Variants in FRMPD4 observed in about 807,000 individuals in gnomAD.
The protein encoded by FRMPD4 is FERM and PDZ domain-containing protein 4.
In FRMPD4, 22 loss-of-function variants were observed where a neutral mutation model predicts 94.1. That is an observed-to-expected ratio of 0.23 (90% CI 0.17 to 0.33). FRMPD4 has a LOEUF of 0.33. Ranked by LOEUF, FRMPD4 falls within the 10% of genes least tolerant of loss-of-function variation. FRMPD4 has a pLI of 1.00. For missense variants in FRMPD4, 1,111 were observed against 1,339.9 expected (o/e 0.83, Z 2.67); for synonymous variants, 631 against 548.6 (o/e 1.15, Z -2.10).
chrX:12,640,999 A>T (rs1011087585), intron 4 of FRMPD4, among the ~76,000 whole-genome samples: 2 of 111,504 alleles, frequency 1.8e-5, no homozygotes, highest in African/African-American at 6.5e-5. Context: ...ATTGGGCAAC[A>T]TAGTGAGACC....
chrX:12,486,019 ACT>A (rs1486260014), intron 1 of FRMPD4, among the ~76,000 whole-genome samples: 1 of 110,957 alleles, frequency 9.0e-6, no homozygotes, highest in African/African-American at 3.3e-5. Context: ...GTGCTCATTA[ACT>A]CTCTTGCCTT....
intron 2 of FRMPD4, among the ~76,000 whole-genome samples, chrX:12,569,952 A>G (rs1344275709): frequency 8.9e-6 from 1 of 112,135 alleles, no homozygotes; most frequent in Admixed American, 9.4e-5. Context: ...TTCAAATCAG[A>G]AGGTGTCTTA....
chrX:12,031,264 G>T (rs934717823), intron 3 of FRMPD4, among the ~76,000 whole-genome samples: 2 of 112,212 alleles, frequency 1.8e-5, no homozygotes, highest in African/African-American at 6.5e-5. Context: ...CTTTGTCAAT[G>T]TGATGAATGC....
chrX:12,581,652 G>A (rs775122661), intron 2 of FRMPD4, among the ~76,000 whole-genome samples: 13 of 111,602 alleles, frequency 1.2e-4, no homozygotes, highest in Non-Finnish European at 1.9e-4. Context: ...ACCAGGCCTC[G>A]TGTAGCCTGT....
intron 2 of FRMPD4, among the ~76,000 whole-genome samples, chrX:12,511,479 T>A: frequency 1.9e-5 from 2 of 107,046 alleles, no homozygotes; most frequent in African/African-American, 6.8e-5. Context: ...ATTCTGGAAG[T>A]GAAAAATATA....
intron 3 of FRMPD4, among the ~76,000 whole-genome samples, chrX:12,001,695 C>A (rs1439663625): frequency 8.9e-6 from 1 of 111,837 alleles, no homozygotes. Context: ...TTGAATTTTT[C>A]TTCCCAACTA....
rs191644972 is a variant in FRMPD4 at position 12,236,388 on chromosome X, G to A, written c.41+97376G>A. On this transcript the variant is annotated intron_variant, in intron 1 of 16. Coordinates refer to ENST00000675598, the MANE Select transcript of FRMPD4 (RefSeq NM_001368397.1). ...TATATGTCAGTTACTGTTCTCATGT[G>A]CTCATGGAATTGACATTCTAGTTGG... 3.2e-4 allele frequency among the ~76,000 whole-genome samples: 36 copies of A among 111,243 alleles called. No individual in the cohort carries two copies. The East Asian group carries it at 7.4e-3, about 23-fold the overall frequency.
intron 3 of FRMPD4, among the ~76,000 whole-genome samples, chrX:11,987,842 T>C (rs1479488711): frequency 9.0e-6 from 1 of 111,211 alleles, no homozygotes; most frequent in Admixed American, 9.5e-5. Flanking sequence ...GAAAATTACT[T>C]TGTGGCTATT....
At chrX:12,559,731 T>C (rs2058633609) in intron 2 of FRMPD4, among the ~76,000 whole-genome samples, 1 of 111,362 alleles carries the variant, frequency 9.0e-6, no homozygotes, top group Non-Finnish European at 1.9e-5. Context: ...ATAAAATATT[T>C]TTATTTAATA....
At chrX:11,887,295 A>G in intron 3 of FRMPD4, among the ~76,000 whole-genome samples, 1 of 111,831 alleles carries the variant, frequency 8.9e-6, no homozygotes, top group East Asian at 2.8e-4. Flanking sequence ...TAGGTAAGCA[A>G]CAACAAAGAA....
chrX:11,850,600 A>G (rs1203005697), intron 1 of FRMPD4, among the ~76,000 whole-genome samples: 1 of 112,608 alleles, frequency 8.9e-6, no homozygotes, highest in African/African-American at 3.2e-5. Context: ...GTATACATAC[A>G]GTGGATTATT....
intron 9 of FRMPD4, among the ~76,000 whole-genome samples, chrX:12,699,563 C>T (rs2060167187): frequency 8.9e-6 from 1 of 111,946 alleles, no homozygotes; most frequent in African/African-American, 3.3e-5. Flanking sequence ...CAGAAGCCAT[C>T]CAGGGGTATA....
intron 1 of FRMPD4, among the ~76,000 whole-genome samples, chrX:12,488,749 C>A (rs996561709): frequency 9.0e-6 from 1 of 111,252 alleles, no homozygotes; most frequent in African/African-American, 3.3e-5. Context: ...GAGAAAGAAA[C>A]CTGGTTAGTC....
chrX:12,546,386 C>T (rs1265843444), intron 2 of FRMPD4, among the ~76,000 whole-genome samples: 1 of 111,617 alleles, frequency 9.0e-6, no homozygotes, highest in African/African-American at 3.3e-5. Flanking sequence ...CCAGGTTGGC[C>T]AGGCTGGTCT....
intron 2 of FRMPD4, among the ~76,000 whole-genome samples, chrX:12,507,617 G>A (rs2057999203): frequency 1.8e-5 from 2 of 111,656 alleles, no homozygotes; most frequent in Non-Finnish European, 3.8e-5. Context: ...AAGAAACTAG[G>A]GCAGAGATTA....
At chrX:12,623,988 G>T (rs112802146) in intron 4 of FRMPD4, among the ~76,000 whole-genome samples, 1 of 111,903 alleles carries the variant, frequency 8.9e-6, no homozygotes, top group Non-Finnish European at 1.9e-5. Flanking sequence ...AGACCAGCCT[G>T]GGCAACACAG....
rs371671497 is a variant in FRMPD4, at chrX:11,918,174, A to T, written c.95+40156A>T. Among the ~76,000 whole-genome samples the T allele has an allele frequency of 4.4e-5, 5 of 113,198 alleles. No individual in the cohort carries two copies. The South Asian group carries it at 1.1e-3, about 24-fold the overall frequency. Reference sequence around the variant, plus strand: ...AGGATTATGTGTGTCCAGTGCTTACACTGCAGCAAGCACATACCAATGTTT... The same window carrying T: ...AGGATTATGTGTGTCCAGTGCTTACTCTGCAGCAAGCACATACCAATGTTT... On this transcript the variant is annotated intron_variant, in intron 3 of 18. Transcript: ENST00000640291.
intron 1 of FRMPD4, among the ~76,000 whole-genome samples, chrX:12,221,591 G>C (rs1384212185): frequency 8.9e-6 from 1 of 112,357 alleles, no homozygotes; most frequent in Non-Finnish European, 1.9e-5. Flanking sequence ...ACGATGGGTA[G>C]ACTGTCCGAC....
At chrX:12,517,803 G>A (rs2148264192) in intron 2 of FRMPD4, among the ~76,000 whole-genome samples, 1 of 113,012 alleles carries the variant, frequency 8.8e-6, no homozygotes, top group East Asian at 2.8e-4. Flanking sequence ...GCCAGCAGGG[G>A]GAAAGACTAA....
Sources: gnomAD v4.1 joint callset for allele counts (sites outside exome capture counted in the v4.1 genomes callset) on GRCh38, gnomAD v4.1.1 for gene constraint, MANE v1.5 for transcripts, NCBI Gene and HGNC (gene_info 2026-07-23, HGNC 2026-07-21) for gene names.